The following GAN variants were observed in gnomAD, a reference collection of about 807,000 sequenced individuals.
GAN encodes gigaxonin.
GAN carries 48 observed loss-of-function variants against 71.3 expected under a neutral mutation model. The ratio of observed to expected loss-of-function variants is 0.67; its 90% CI spans 0.53 to 0.86. GAN has a LOEUF of 0.86. Ranked by LOEUF, GAN falls within the 40% of genes least tolerant of loss-of-function variation. GAN has a pLI of 0.00. For synonymous variants in GAN, 386 were observed against 276.8 expected (o/e 1.39, Z -3.92); for missense variants, 928 against 770.1 (o/e 1.21, Z -2.43).
At chr16:81,372,544 G>A (rs1911069792) in intron 9 of GAN, among the ~76,000 whole-genome samples, 1 of 152,178 alleles carries the variant, frequency 6.6e-6, no homozygotes, top group South Asian at 2.1e-4. Flanking sequence ...AATTAGTTCT[G>A]TTTCATTTGA....
intron 4 of GAN, 50 bp downstream of exon 4, chr16:81,357,052 G>A (rs1336862959): frequency 9.5e-7 from 1 of 1,055,906 alleles, no homozygotes; most frequent in Non-Finnish European, 1.5e-6. Context: ...GGAAGAGGTA[G>A]TTCCATGTAA....
rs796136571 is a variant in GAN, at chr16:81,381,293, A to G, written c.*3697A>G. The G allele has an allele frequency of 6.6e-6, 1 of 152,190 alleles. No individual in the cohort carries two copies. Among genetic ancestry groups the G allele is most frequent in the Non-Finnish European group, 1.5e-5 (1 of 68,046 alleles). 9.4% of individuals were successfully genotyped at this position (152,190 alleles called of 1,614,324 possible). ...CAAAAACCTTCCAAGGAGTGCTAGA[A>G]ACACCGCAGTATCCCCTTCCAGAAT... On this transcript the variant is annotated 3_prime_UTR_variant, in exon 11 of 11. Transcript: ENST00000648994.
At chr16:81,355,146 G>T (rs1452799683) in intron 3 of GAN, among the ~76,000 whole-genome samples, 2 of 152,186 alleles carry the variant, frequency 1.3e-5, no homozygotes, top group East Asian at 3.9e-4. Flanking sequence ...AGGCAGGGGG[G>T]TGGCACGTGG....
intron 1 of GAN, among the ~76,000 whole-genome samples, chr16:81,341,602 C>G (rs1909944335): frequency 6.6e-6 from 1 of 152,150 alleles, no homozygotes. Flanking sequence ...TTGTCACCAC[C>G]AGGCCTGCCT....
At position 81,377,429 on chromosome 16, in the gene GAN, T is replaced by C; in HGVS notation, c.1627T>C (p.Tyr543His). Residue 543 changes from tyrosine (Y) to histidine (H), a missense_variant, in exon 11 of 11, where the codon TAC becomes CAC. Physicochemically the swap from Tyr to His is moderately conservative, Grantham distance 83. Transcript: ENST00000648994. ...CTGTGGCTTAGGTACCAATTACGACTACGTGCGTGAGTTTAAAAGAAGCAC... is the reference window on the plus strand; with the variant it reads ...CTGTGGCTTAGGTACCAATTACGACCACGTGCGTGAGTTTAAAAGAAGCAC... Reference protein sequence around the residue: ...GDLDTGTNYDYVREFKRSTGT... With the variant: ...GDLDTGTNYDHVREFKRSTGT... The C allele has an allele frequency of 6.2e-7, 1 of 1,614,034 alleles. No homozygotes were observed. The highest frequency in any genetic ancestry group is 1.3e-5 in the African/African-American group (1 of 75,042).
chr16:81,356,783 A>G lies in GAN; in HGVS notation c.634-2A>G. Reference sequence around the variant, plus strand: ...GCCCCATCTTTCTTCCCTCTTCTGCAGGTCCACATGAAGGATGTTATGTCA... The same window carrying G: ...GCCCCATCTTTCTTCCCTCTTCTGCGGGTCCACATGAAGGATGTTATGTCA... On this transcript the variant is annotated splice_acceptor_variant, in intron 3 of 10. Coordinates refer to ENST00000648994, the MANE Select transcript of GAN (RefSeq NM_022041.4). LOFTEE classifies it high-confidence loss of function. The G allele has an allele frequency of 6.3e-7, 1 of 1,599,174 alleles. No individual in the cohort carries two copies. Among genetic ancestry groups the G allele is most frequent in the Non-Finnish European group, 8.6e-7 (1 of 1,166,350 alleles).
rs1904324450 is a variant in GAN at position 81,383,613 on chromosome 16, A to G, written c.*6017A>G. 6.6e-6 allele frequency: 1 copy of G among 151,470 alleles called. No homozygotes were observed. Among genetic ancestry groups the G allele is most frequent in the Admixed American group, 6.6e-5 (1 of 15,194 alleles). The allele number at this position is 151,470 out of a possible 1,614,324, so 9.4% of individuals were successfully genotyped here. On this transcript the variant is annotated 3_prime_UTR_variant, in exon 11 of 11. Coordinates refer to ENST00000648994, the MANE Select transcript of GAN (RefSeq NM_022041.4). ...CTTTTAAAGTCACTACTCAGCTGAA[A>G]TTTGGCCTGATTATAAATGTTGATA...
chr16:81,390,470 G>A lies in GAN; in HGVS notation c.*12874G>A, dbSNP rs1258010642. On this transcript the variant is annotated 3_prime_UTR_variant, in exon 11 of 11. Coordinates refer to ENST00000648994, the MANE Select transcript of GAN (RefSeq NM_022041.4). ...ACCTAAATTAAGTAGCACGCACTTTGTTTACATGCTTCAGTATATTGTGGG... is the reference window on the plus strand; with the variant it reads ...ACCTAAATTAAGTAGCACGCACTTTATTTACATGCTTCAGTATATTGTGGG... 6.6e-6 allele frequency: 1 copy of A among 152,348 alleles called. No individual in the cohort carries two copies. Among genetic ancestry groups the A allele is most frequent in the East Asian group, 1.9e-4 (1 of 5,194 alleles). 9.4% of individuals were successfully genotyped at this position (152,348 alleles called of 1,614,324 possible).
chr16:81,337,574 A>G (rs1018504252), intron 1 of GAN, among the ~76,000 whole-genome samples: 1 of 152,184 alleles, frequency 6.6e-6, no homozygotes, highest in African/African-American at 2.4e-5. Flanking sequence ...CTTTTCCAGC[A>G]TTTTGGAAGC....
intron 5 of GAN, among the ~76,000 whole-genome samples, chr16:81,359,917 T>A (rs904963679): frequency 6.6e-6 from 1 of 152,220 alleles, no homozygotes; most frequent in Non-Finnish European, 1.5e-5. Context: ...TCACCTATTT[T>A]CGGACTGCAG....
In GAN at chr16:81,382,303, T is replaced by C. The variant is rs1299662821; in HGVS notation, c.*4707T>C. 6.6e-6 allele frequency: 1 copy of C among 152,328 alleles called. No homozygotes were observed. The highest frequency in any genetic ancestry group is 1.9e-4 in the East Asian group (1 of 5,192). 9.4% of individuals were successfully genotyped at this position (152,328 alleles called of 1,614,324 possible). On this transcript the variant is annotated 3_prime_UTR_variant, in exon 11 of 11. Coordinates refer to ENST00000648994, the MANE Select transcript of GAN (RefSeq NM_022041.4). ...TTTCTAGGCATACAAGTATTTTTAG[T>C]AATAGAATAATCATTTTTAGTATTA...
In GAN at chr16:81,377,464, G is replaced by A. The variant is rs1005401054; in HGVS notation, c.1662G>A (p.Trp554Ter). 2 of 1,613,924 alleles carry A rather than the reference G, an allele frequency of 1.2e-6. No individual in the cohort carries two copies. Among genetic ancestry groups the A allele is most frequent in the African/African-American group, 1.3e-5 (1 of 74,896 alleles). ...AGTTTAAAAGAAGCACAGGAACCTG[G>A]CACCACACTAAACCACTCCTTCCAT... is the stretch of plus-strand genomic sequence containing the variant. ...VREFKRSTGTWHHTKPLLPSD... is the reference protein window; with the variant it reads ...VREFKRSTGT Residue 554 changes from tryptophan (W) to a stop codon, truncating the protein, a stop_gained, in exon 11 of 11, where the codon TGG becomes TGA. Transcript: ENST00000648994. LOFTEE classifies it high-confidence loss of function.
At chr16:81,328,949 C>T (rs186377701) in intron 1 of GAN, among the ~76,000 whole-genome samples, 2 of 152,162 alleles carry the variant, frequency 1.3e-5, no homozygotes, top group Non-Finnish European at 1.5e-5. Context: ...CGTGGCTAAA[C>T]AGGCAGCAGG....
At chr16:81,365,148 C>A (rs1368504082) in intron 8 of GAN, 38 bp downstream of exon 8, 3 of 1,606,674 alleles carry the variant, frequency 1.9e-6, no homozygotes, top group Non-Finnish European at 8.5e-7. Context: ...GATTCCCTTG[C>A]TGTTCACTGG....
chr16:81,345,447 G>C lies in GAN; in HGVS notation c.168-6136G>C, dbSNP rs540143690. The stretch of plus-strand genomic sequence containing the variant: ...AAGGATGAGTTCATGTCTTTTGCAG[G>C]GACATGGATGAAGCTGGAAACCATC... On this transcript the variant is annotated intron_variant, in intron 1 of 10. Transcript: ENST00000648994. Among the ~76,000 whole-genome samples, 4 of 152,216 alleles carry C rather than the reference G, an allele frequency of 2.6e-5. No individual in the cohort carries two copies. The East Asian group carries it at 5.8e-4, about 22-fold the overall frequency.
At position 81,358,368 on chromosome 16, in the gene GAN, A is replaced by T. The variant is rs1030419424; in HGVS notation, c.973+437A>T. ...GGTGGCTCACACCTGTAATCCCCGC[A>T]GTTTAGGAGGCTAAAGTGAGAGGAG... On this transcript the variant is annotated intron_variant, in intron 5 of 10. Coordinates refer to ENST00000648994, the MANE Select transcript of GAN (RefSeq NM_022041.4). 2.6e-5 allele frequency among the ~76,000 whole-genome samples: 4 copies of T among 152,204 alleles called. No individual in the cohort carries two copies. The South Asian group carries it at 6.2e-4, about 24-fold the overall frequency.
chr16:81,320,783 G>A (rs79378498), intron 1 of GAN, among the ~76,000 whole-genome samples: 4,168 of 152,244 alleles, frequency 0.027, 90 homozygotes, highest in South Asian at 0.048. Context: ...CTGGGCTTGA[G>A]TCTCTTTTAA....
chr16:81,351,442 C>G (rs1383845666), intron 1 of GAN, 141 bp from the exon 2 acceptor site: 10 of 635,440 alleles, frequency 1.6e-5, no homozygotes, highest in Non-Finnish European at 2.3e-5. Flanking sequence ...ATACATAGAC[C>G]TAAAGTTAAC....
In GAN at chr16:81,382,444, C is replaced by T. The variant is rs917429138; in HGVS notation, c.*4848C>T. ...AGGTTAAGAATTTATTTACTAAGGT[C>T]GTAAGAACAGAAGAAAGTTTCTTTG... is the stretch of plus-strand genomic sequence containing the variant. On this transcript the variant is annotated 3_prime_UTR_variant, in exon 11 of 11. Coordinates refer to ENST00000648994, the MANE Select transcript of GAN (RefSeq NM_022041.4). 5.9e-5 allele frequency: 9 copies of T among 152,146 alleles called. No homozygotes were observed. The highest frequency in any genetic ancestry group is 1.2e-4 in the African/African-American group (5 of 41,422). The allele number at this position is 152,146 out of a possible 1,614,324, so 9.4% of individuals were successfully genotyped here. A position where few individuals can be genotyped will look rare whatever the true frequency, so the allele number is the denominator to read the frequency against.
Sources: allele counts gnomAD v4.1 joint callset (sites outside exome capture counted in the v4.1 genomes callset), GRCh38; gene constraint gnomAD v4.1.1; transcripts MANE v1.5; gene names NCBI Gene and HGNC (gene_info 2026-07-23, HGNC 2026-07-21).